THSD7B: variants seen among roughly 807,000 people sequenced by gnomAD.
The protein encoded by THSD7B is thrombospondin type 1 domain containing 7B, also known as thrombospondin type-1 domain-containing protein 7B.
THSD7B carries 138 observed loss-of-function variants against 213.6 expected under a neutral mutation model. The ratio of observed to expected loss-of-function variants is 0.65; its 90% CI spans 0.56 to 0.74. The LOEUF (loss-of-function observed/expected upper bound fraction) is 0.74. Among genes scored for constraint, THSD7B ranks in the 30% least tolerant of loss-of-function variants. The pLI, the probability that THSD7B is intolerant of heterozygous loss-of-function variation, is 0.00. For synonymous variants in THSD7B, 742 were observed against 687.0 expected, an observed-to-expected ratio of 1.08 and a Z score of -1.25; for missense variants, 1,931 against 1,991.5, an observed-to-expected ratio of 0.97 and a Z score of 0.58.
At chr2:136,979,382 A>G (rs896503798) in intron 2 of THSD7B, among the ~76,000 whole-genome samples, 1 of 152,110 alleles carries the variant, frequency 6.6e-6, no homozygotes, top group East Asian at 1.9e-4. Context: ...ATCCTGAAGT[A>G]TATTTTTCAA....
chr2:137,287,656 C>T (rs1046319135), intron 12 of THSD7B, among the ~76,000 whole-genome samples: 2 of 152,068 alleles, frequency 1.3e-5, no homozygotes, highest in African/African-American at 4.8e-5. Flanking sequence ...TGCCAGCCTC[C>T]CATTTTTAAC....
chr2:137,538,712 C>T lies in THSD7B; in HGVS notation c.3139-24509C>T, dbSNP rs556732848. Among the ~76,000 whole-genome samples, 4 of 151,794 alleles carry T rather than the reference C, an allele frequency of 2.6e-5. No individual in the cohort carries two copies. The South Asian group carries it at 8.3e-4, about 31-fold the overall frequency. On this transcript the variant is annotated intron_variant, in intron 15 of 27. Transcript: ENST00000409968. ...TTCAGTAAAAGGACTATTTCAGACA[C>T]CTAGGAAATTGATTTATATCTGCTT...
At chr2:137,626,465 A>G (rs1195257386) in intron 20 of THSD7B, among the ~76,000 whole-genome samples, 2 of 107,552 alleles carry the variant, frequency 1.9e-5, no homozygotes, top group Non-Finnish European at 3.6e-5. Flanking sequence ...CTCTGTCTCA[A>G]AAAAAAAAAA....
chr2:137,371,372 C>G (rs147910232), intron 12 of THSD7B, among the ~76,000 whole-genome samples: 1 of 152,118 alleles, frequency 6.6e-6, no homozygotes, highest in Non-Finnish European at 1.5e-5. Flanking sequence ...AATTCTAAGT[C>G]GGACACAGTT....
intron 2 of THSD7B, among the ~76,000 whole-genome samples, chr2:136,886,074 G>C (rs970930119): frequency 6.6e-6 from 1 of 152,134 alleles, no homozygotes; most frequent in Non-Finnish European, 1.5e-5. Context: ...AGGAGTGTGG[G>C]AGGCATACTT....
At chr2:137,415,416 G>C (rs906784742) in intron 14 of THSD7B, among the ~76,000 whole-genome samples, 10 of 152,040 alleles carry the variant, frequency 6.6e-5, no homozygotes, top group Non-Finnish European at 1.0e-4. Flanking sequence ...ATCACAATGA[G>C]GAGAAATATT....
intron 7 of THSD7B, 137 bp downstream of exon 7, chr2:137,171,075 G>A (rs910802570): frequency 2.5e-5 from 25 of 986,062 alleles, no homozygotes; most frequent in African/African-American, 3.3e-5. Flanking sequence ...TGTTTACATC[G>A]AGTGACACAT....
chr2:136,976,439 T>C (rs1685482108), intron 2 of THSD7B, among the ~76,000 whole-genome samples: 1 of 152,190 alleles, frequency 6.6e-6, no homozygotes, highest in South Asian at 2.1e-4. Context: ...CATGTTTTCT[T>C]ATCTTTAGTT....
At chr2:137,613,923 T>C (rs1682333880) in intron 17 of THSD7B, among the ~76,000 whole-genome samples, 1 of 152,136 alleles carries the variant, frequency 6.6e-6, no homozygotes, top group African/African-American at 2.4e-5. Context: ...AAACTTTCTA[T>C]AAATAGCTAT....
At chr2:137,081,506 T>A (rs1687747597) in intron 3 of THSD7B, among the ~76,000 whole-genome samples, 1 of 152,094 alleles carries the variant, frequency 6.6e-6, no homozygotes, top group Non-Finnish European at 1.5e-5. Flanking sequence ...TTTTGAAAAT[T>A]TTTTTGCTTT....
chr2:137,376,217 C>T (rs1685651394), intron 12 of THSD7B, among the ~76,000 whole-genome samples: 1 of 152,144 alleles, frequency 6.6e-6, no homozygotes, highest in South Asian at 2.1e-4. Context: ...AGTTTAGCTT[C>T]CTAATAAATG....
At chr2:136,956,680 C>T (rs1035886113) in intron 2 of THSD7B, among the ~76,000 whole-genome samples, 5 of 146,086 alleles carry the variant, frequency 3.4e-5, no homozygotes, top group East Asian at 2.0e-4. Context: ...AATTTTTTTT[C>T]TTTTCTTTTT....
At chr2:136,780,629 C>T (rs1268945935) in intron 1 of THSD7B, among the ~76,000 whole-genome samples, 2 of 152,184 alleles carry the variant, frequency 1.3e-5, no homozygotes, top group African/African-American at 4.8e-5. Flanking sequence ...GGAACTTCCC[C>T]CTCCCTAAAT....
chr2:137,402,650 C>G lies in THSD7B; in HGVS notation c.2501-2963C>G, dbSNP rs543315277. 2.4e-4 allele frequency among the ~76,000 whole-genome samples: 36 copies of G among 151,962 alleles called. 1 individual carries two copies. In the South Asian group the frequency reaches 7.5e-3, roughly 32 times the overall value. On this transcript the variant is annotated intron_variant, in intron 12 of 27. Transcript: ENST00000409968. ...TGGCCAACATGATGAAACCCCATCT[C>G]TACTAAAAATACCAAAAAATTAGCC...
Position 137,194,262 on chromosome 2 carries a change from AGG to A in THSD7B, c.1723+23327_1723+23328del, listed in dbSNP as rs1680715961. Among the ~76,000 whole-genome samples the A allele has an allele frequency of 2.0e-5, 3 of 152,110 alleles. No homozygotes were observed. The South Asian group carries it at 6.2e-4, about 32-fold the overall frequency. ...GCAGGAGTTGCTGAGGGTGGGGAAA[AGG>A]GGCGTGCTGTAGAAAAGAAAGGGCA... On this transcript the variant is annotated intron_variant, in intron 7 of 27. Coordinates refer to ENST00000409968, the MANE Select transcript of THSD7B (RefSeq NM_001316349.2).
At chr2:136,940,714 TATATATATATATA>T (rs1194362697) in intron 2 of THSD7B, among the ~76,000 whole-genome samples, 3 of 73,920 alleles carry the variant, frequency 4.1e-5, no homozygotes, top group African/African-American at 8.9e-5. Context: ...TGTGTGTGTA[TATATATATATATA>T]ATATATATAT....
At chr2:136,800,748 A>G (rs778360962) in intron 1 of THSD7B, among the ~76,000 whole-genome samples, 1 of 151,786 alleles carries the variant, frequency 6.6e-6, no homozygotes, top group Non-Finnish European at 1.5e-5. Flanking sequence ...GCCTCTATAG[A>G]AACTGTGAGA....
At chr2:137,096,286 G>T (rs1688037320) in intron 4 of THSD7B, among the ~76,000 whole-genome samples, 1 of 152,134 alleles carries the variant, frequency 6.6e-6, no homozygotes, top group Non-Finnish European at 1.5e-5. Context: ...GAAAAAAATA[G>T]TTTTCTGTAT....
At chr2:137,271,574 G>A (rs1055582285) in intron 10 of THSD7B, among the ~76,000 whole-genome samples, 2 of 150,032 alleles carry the variant, frequency 1.3e-5, no homozygotes, top group Non-Finnish European at 3.0e-5. Flanking sequence ...TCTCCTTCAT[G>A]ATCCCTCTTC....
Sources: gnomAD v4.1 joint callset for allele counts (sites outside exome capture counted in the v4.1 genomes callset) on GRCh38, gnomAD v4.1.1 for gene constraint, MANE v1.5 for transcripts, NCBI Gene and HGNC (gene_info 2026-07-23, HGNC 2026-07-21) for gene names.